ZNF365: variants seen among roughly 807,000 people sequenced by gnomAD.
ZNF365 encodes zinc finger protein 365.
Under a neutral mutation model 35.0 loss-of-function variants are expected in ZNF365, and 22 were observed. The ratio of observed to expected loss-of-function variants is 0.63; its 90% CI spans 0.45 to 0.90. The LOEUF is 0.90. ZNF365 is among the 40% of genes least tolerant of loss of function. The pLI is 0.00. For synonymous variants in ZNF365, 188 were observed against 196.2 expected, an observed-to-expected ratio of 0.96 and a Z score of 0.35; for missense variants, 448 against 500.3, an observed-to-expected ratio of 0.90 and a Z score of 1.00.
At chr10:62,442,226 A>T in intron 3 of ZNF365, among the ~76,000 whole-genome samples, 1 of 152,356 alleles carries the variant, frequency 6.6e-6, no homozygotes, top group South Asian at 2.1e-4. Flanking sequence ...AGAGCTACTT[A>T]AAGTTATTTT....
At chr10:62,374,496 G>A (rs1468862784) in intron 1 of ZNF365, 38 bp downstream of exon 1, 2 of 152,268 alleles carry the variant, frequency 1.3e-5, no homozygotes, top group Admixed American at 1.3e-4. Context: ...CCCGCGGCTC[G>A]GCGGAGGGGA....
chr10:62,449,970 G>A (rs557336496), intron 3 of ZNF365, among the ~76,000 whole-genome samples: 4 of 152,092 alleles, frequency 2.6e-5, no homozygotes, highest in Non-Finnish European at 5.9e-5. Flanking sequence ...TAATTCAAAT[G>A]TAAGCACAGA....
rs148188582 is a variant in ZNF365, at chr10:62,440,172, T to TTTTATTTA, written c.925-19545_925-19538dup. 4.4e-3 allele frequency among the ~76,000 whole-genome samples: 668 copies of TTTTATTTA among 150,732 alleles called. 7 individuals are homozygous for TTTTATTTA. The highest frequency in any genetic ancestry group is 9.5e-3 in the African/African-American group (391 of 41,172). ...AATTATAAGCTTTATGAATGCATAGTTTTATTTATTTATTTATTTATTTAT... is the reference window on the plus strand; with the variant it reads ...AATTATAAGCTTTATGAATGCATAGTTTTATTTATTTATTTATTTATTTATTTATTTAT... On this transcript the variant is annotated intron_variant, in intron 3 of 4. Coordinates refer to the ZNF365 transcript ENST00000395255.
chr10:62,468,978 A>G (rs1840988855), intron 4 of ZNF365, among the ~76,000 whole-genome samples: 1 of 152,252 alleles, frequency 6.6e-6, no homozygotes, highest in Admixed American at 6.5e-5. Context: ...AAAGAAGGTG[A>G]AACATAGCCT....
At chr10:62,409,027 A>G (rs1168007781) in intron 3 of ZNF365, among the ~76,000 whole-genome samples, 1 of 152,016 alleles carries the variant, frequency 6.6e-6, no homozygotes, top group Non-Finnish European at 1.5e-5. Flanking sequence ...CTGCAGGGAG[A>G]TTCCTTCCCT....
intron 3 of ZNF365, among the ~76,000 whole-genome samples, chr10:62,393,527 C>T (rs1839671034): frequency 6.6e-6 from 1 of 152,156 alleles, no homozygotes; most frequent in South Asian, 2.1e-4. Flanking sequence ...TGCAGTCTGT[C>T]GTTGACTGAA....
intron 3 of ZNF365, among the ~76,000 whole-genome samples, chr10:62,412,801 C>G (rs1463054830): frequency 6.6e-6 from 1 of 152,142 alleles, no homozygotes; most frequent in Non-Finnish European, 1.5e-5. Flanking sequence ...ACATTCCATG[C>G]TCATGGATAG....
At chr10:62,479,148 A>G (rs1447061051) in intron 4 of ZNF365, among the ~76,000 whole-genome samples, 1 of 152,242 alleles carries the variant, frequency 6.6e-6, no homozygotes, top group African/African-American at 2.4e-5. Flanking sequence ...ACTAAGTTGA[A>G]AAGTTCCAAT....
chr10:62,432,122 C>T (rs540276879), intron 3 of ZNF365, among the ~76,000 whole-genome samples: 1 of 152,288 alleles, frequency 6.6e-6, no homozygotes, highest in South Asian at 2.1e-4. Context: ...CTTGAGACTT[C>T]CAGCAGTATT....
chr10:62,421,587 T>C (rs11598767), intron 3 of ZNF365, among the ~76,000 whole-genome samples: 4,622 of 152,308 alleles, frequency 0.03, 116 homozygotes, highest in Non-Finnish European at 0.049. Flanking sequence ...GATTTAATTA[T>C]GTACTGACAG....
At chr10:62,459,251 A>G (rs1387332032) in intron 3 of ZNF365, among the ~76,000 whole-genome samples, 5 of 152,230 alleles carry the variant, frequency 3.3e-5, no homozygotes, top group Non-Finnish European at 2.9e-5. Flanking sequence ...GATGACTTCA[A>G]TGGCATCTGG....
At chr10:62,453,940 G>T (rs963184819) in intron 3 of ZNF365, among the ~76,000 whole-genome samples, 1 of 152,216 alleles carries the variant, frequency 6.6e-6, no homozygotes, top group African/African-American at 2.4e-5. Context: ...AAGGTTAAAA[G>T]AGTACGGATT....
intron 2 of ZNF365, among the ~76,000 whole-genome samples, chr10:62,380,094 A>C (rs1389058791): frequency 6.6e-6 from 1 of 152,258 alleles, no homozygotes; most frequent in Non-Finnish European, 1.5e-5. Flanking sequence ...TAAAAGACCC[A>C]AAGGCTGCTT....
In ZNF365 at chr10:62,400,560, A is replaced by C; in HGVS notation, c.*771A>C. The C allele has an allele frequency of 1.0e-6, 1 of 985,920 alleles. No homozygotes were observed. The highest frequency in any genetic ancestry group is 1.2e-6 in the Non-Finnish European group (1 of 829,944). The allele number at this position is 985,920 out of a possible 1,614,324, so 61.1% of individuals were successfully genotyped here. ...CTTCTGTGGATATGGCTGGGGAGCG[A>C]AGTAAAATCCTCTTTTGATTAGCAC... On this transcript the variant is annotated 3_prime_UTR_variant, in exon 5 of 5. Transcript: ENST00000395254.
Position 62,401,979 on chromosome 10 carries a change from T to C in ZNF365, c.*2190T>C, listed in dbSNP as rs943532328. ...ATAAAGAAATGTGTTATGTATGTTG[T>C]GCCTCCTTAGAGACATAAATTTAGT... On this transcript the variant is annotated 3_prime_UTR_variant, in exon 5 of 5. Coordinates refer to ENST00000395254, the MANE Select transcript of ZNF365 (RefSeq NM_014951.3). 3.0e-6 allele frequency: 3 copies of C among 985,486 alleles called. No individual in the cohort carries two copies. The African/African-American group carries it at 5.2e-5, about 17-fold the overall frequency. 61.0% of individuals were successfully genotyped at this position (985,486 alleles called of 1,614,324 possible).
chr10:62,475,874 G>C (rs969686425), intron 4 of ZNF365, among the ~76,000 whole-genome samples: 27 of 152,256 alleles, frequency 1.8e-4, no homozygotes, highest in African/African-American at 6.0e-4. Flanking sequence ...GGCTGGATTG[G>C]AATTTTCTAG....
intron 4 of ZNF365, among the ~76,000 whole-genome samples, chr10:62,462,418 C>T (rs1444368701): frequency 2.0e-5 from 3 of 152,204 alleles, no homozygotes; most frequent in Non-Finnish European, 4.4e-5. Context: ...CATAAGTGTA[C>T]CCCTCAGAAG....
intron 4 of ZNF365, among the ~76,000 whole-genome samples, chr10:62,460,092 C>T (rs1276687317): frequency 6.6e-6 from 1 of 152,202 alleles, no homozygotes; most frequent in Non-Finnish European, 1.5e-5. Flanking sequence ...CTCTTCTCTA[C>T]CTCCAAACAG....
intron 3 of ZNF365, among the ~76,000 whole-genome samples, chr10:62,395,812 T>C (rs570168576): frequency 1.3e-5 from 2 of 152,300 alleles, no homozygotes; most frequent in South Asian, 2.1e-4. Flanking sequence ...AAATTCTAAA[T>C]CTGAAGGACT....
Sources: gnomAD v4.1 joint callset for allele counts (sites outside exome capture counted in the v4.1 genomes callset) on GRCh38, gnomAD v4.1.1 for gene constraint, MANE v1.5 for transcripts, NCBI Gene and HGNC (gene_info 2026-07-23, HGNC 2026-07-21) for gene names.